The following BPNT1 variants were observed in gnomAD, a reference collection of about 807,000 sequenced individuals.
The protein encoded by BPNT1 is 3'(2'),5'-bisphosphate nucleotidase 1.
Under a neutral mutation model 36.9 loss-of-function variants are expected in BPNT1, and 28 were observed. The observed-to-expected ratio is 0.76, with a 90% CI of 0.56 to 1.04. BPNT1 has a LOEUF of 1.04. BPNT1 is among the 50% of genes least tolerant of loss of function. The pLI is 0.00. For missense variants in BPNT1, 313 were observed against 372.9 expected (o/e 0.84, Z 1.32); for synonymous variants, 119 against 130.9 (o/e 0.91, Z 0.62).
At chr1:220,068,473 C>T (rs1274352913) in intron 5 of BPNT1, among the ~76,000 whole-genome samples, 1 of 151,924 alleles carries the variant, frequency 6.6e-6, no homozygotes, top group Non-Finnish European at 1.5e-5. Flanking sequence ...TAAGCCACCA[C>T]GCCTGGCCTA....
At chr1:220,078,492 T>C (rs1664793874) in intron 2 of BPNT1, among the ~76,000 whole-genome samples, 1 of 142,098 alleles carries the variant, frequency 7.0e-6, no homozygotes, top group South Asian at 2.1e-4. Flanking sequence ...TAATAATTTA[T>C]AATAAATTTT....
At chr1:220,080,013 G>A (rs1001232868) in intron 1 of BPNT1, among the ~76,000 whole-genome samples, 159 bp from the exon 2 acceptor site, 22 of 152,184 alleles carry the variant, frequency 1.4e-4, no homozygotes, top group African/African-American at 5.3e-4. Flanking sequence ...AAGAGACTTC[G>A]AAAAAACTCG....
intron 2 of BPNT1, among the ~76,000 whole-genome samples, chr1:220,078,984 A>AGTTT (rs1164838950): frequency 1.3e-5 from 2 of 152,190 alleles, no homozygotes; most frequent in Non-Finnish European, 2.9e-5. Flanking sequence ...AATCTATTTA[A>AGTTT]GTTTGTAATT....
In BPNT1 at chr1:220,058,221, T is replaced by G; in HGVS notation, c.*623A>C. On this transcript the variant is annotated 3_prime_UTR_variant, in exon 9 of 9. Coordinates refer to ENST00000322067, the MANE Select transcript of BPNT1 (RefSeq NM_006085.6). ...TGGTTTAGAAGATAGGAATGTTCAT[T>G]GAACATTGACCTGAACTGTCAATTG... is the stretch of plus-strand genomic sequence containing the variant. 1.0e-6 allele frequency: 1 copy of G among 995,210 alleles called. No individual in the cohort carries two copies. Among genetic ancestry groups the G allele is most frequent in the Non-Finnish European group, 1.2e-6 (1 of 835,054 alleles). 61.6% of individuals were successfully genotyped at this position (995,210 alleles called of 1,614,324 possible). A position where few individuals can be genotyped will look rare whatever the true frequency, so the allele number is the denominator to read the frequency against.
In BPNT1 at chr1:220,069,370, A is replaced by G; in HGVS notation, c.382+14T>C. 2 of 1,585,836 alleles carry G rather than the reference A, an allele frequency of 1.3e-6. No homozygotes were observed. Among genetic ancestry groups the G allele is most frequent in the Non-Finnish European group, 8.6e-7 (1 of 1,163,688 alleles). On this transcript the variant is annotated intron_variant, in intron 5 of 8. Coordinates refer to ENST00000322067, the MANE Select transcript of BPNT1 (RefSeq NM_006085.6). ...CCCACTACTGTCAAATATGAATACAAAAGAGATATCAACCTTCGGTATATT... is the reference window on the plus strand; with the variant it reads ...CCCACTACTGTCAAATATGAATACAGAAGAGATATCAACCTTCGGTATATT...
chr1:220,083,279 A>G (rs1655384015), intron 1 of BPNT1, among the ~76,000 whole-genome samples: 2 of 151,596 alleles, frequency 1.3e-5, no homozygotes, highest in African/African-American at 2.4e-5. Context: ...TGAATACCGT[A>G]CTGTGACCAA....
Position 220,067,379 on chromosome 1 carries a change from C to A in BPNT1, c.397G>T (p.Val133Leu), listed in dbSNP as rs1336245682. Residue 133 changes from valine to leucine, a missense_variant, in exon 6 of 9, where the codon GTA becomes TTA. By Grantham distance (32) the Val-to-Leu change is conservative (BLOSUM62 1). Transcript: ENST00000322067. The part of the protein sequence containing the change: ...KEYTEGLLDN[V>L]TVLIGIAYEG... ...TAAGCAATTCCAATAAGAACTGTTA[C>A]ATTGTCAAGAAGACCTGCAAAGAAG... is the stretch of plus-strand genomic sequence containing the variant. 1 of 1,607,374 alleles carries A rather than the reference C, an allele frequency of 6.2e-7. No homozygotes were observed. The highest frequency in any genetic ancestry group is 1.3e-5 in the African/African-American group (1 of 74,770).
chr1:220,063,013 T>G, intron 6 of BPNT1, 59 bp from the exon 7 acceptor site: 1 of 1,528,676 alleles, frequency 6.5e-7, no homozygotes, highest in Non-Finnish European at 9.1e-7. Flanking sequence ...CGTTAGCCCA[T>G]AAATGGAATA....
chr1:220,067,466 C>G (rs1663641847), intron 5 of BPNT1, 73 bp from the exon 6 acceptor site: 5 of 1,018,520 alleles, frequency 4.9e-6, no homozygotes, highest in Admixed American at 2.3e-5. Context: ...ATCAATTGCT[C>G]CAAGTTAGTT....
intron 7 of BPNT1, among the ~76,000 whole-genome samples, chr1:220,061,572 A>C (rs1280040444): frequency 6.6e-6 from 1 of 151,850 alleles, no homozygotes; most frequent in Non-Finnish European, 1.5e-5. Context: ...CAGAAGATAC[A>C]TAAGTAGGAC....
chr1:220,075,409 T>C (rs1376667853), intron 2 of BPNT1, among the ~76,000 whole-genome samples: 1 of 152,222 alleles, frequency 6.6e-6, no homozygotes, highest in Non-Finnish European at 1.5e-5. Flanking sequence ...GCAACTGTTT[T>C]ATGCCTCACT....
chr1:220,063,279 T>C (rs7530481), intron 6 of BPNT1, among the ~76,000 whole-genome samples: 91,386 of 151,720 alleles, frequency 0.6, 28,501 homozygotes, highest in Middle Eastern at 0.71. Flanking sequence ...ACCTGGGAGG[T>C]GGAGGTTGCA....
rs202239575 is a variant in BPNT1, at chr1:220,058,881, C to T, written c.890G>A (p.Arg297Gln). 3.1e-6 allele frequency: 5 copies of T among 1,614,040 alleles called. No homozygotes were observed. Among genetic ancestry groups the T allele is most frequent in the East Asian group, 2.2e-5 (1 of 44,882 alleles). Residue 297 changes from arginine (R) to glutamine (Q), a missense_variant, in exon 9 of 9, where the codon CGA (arginine) becomes CAA (glutamine). Transcript: ENST00000322067. ...TLRNYDYYASRVPESIKNALV... is the reference protein window; with the variant it reads ...TLRNYDYYASQVPESIKNALV... ...TGCATTTTTAATAGATTCTGGAACT[C>T]GGCTTGCATAGTAGTCATAATTCCT...
intron 1 of BPNT1, among the ~76,000 whole-genome samples, chr1:220,083,712 G>T (rs952059279): frequency 2.6e-5 from 4 of 152,036 alleles, no homozygotes; most frequent in African/African-American, 9.7e-5. Flanking sequence ...GGATAGAAAA[G>T]GTATGTAAAA....
intron 6 of BPNT1, among the ~76,000 whole-genome samples, chr1:220,064,780 G>A (rs1040987096): frequency 6.6e-6 from 1 of 152,080 alleles, no homozygotes; most frequent in Non-Finnish European, 1.5e-5. Flanking sequence ...TACAGGAGAG[G>A]CTTGGAATCT....
At chr1:220,079,398 G>A (rs540559116) in intron 2 of BPNT1, among the ~76,000 whole-genome samples, 46 of 152,060 alleles carry the variant, frequency 3.0e-4, no homozygotes, top group African/African-American at 8.4e-4. Context: ...GATTACAGGC[G>A]CTCGCCACCA....
chr1:220,063,280 G>A (rs1318537652), intron 6 of BPNT1, among the ~76,000 whole-genome samples: 1 of 152,082 alleles, frequency 6.6e-6, no homozygotes, highest in African/African-American at 2.4e-5. Flanking sequence ...CCTGGGAGGT[G>A]GAGGTTGCAG....
chr1:220,086,659 T>A (rs1256776435), intron 1 of BPNT1, among the ~76,000 whole-genome samples: 1 of 149,326 alleles, frequency 6.7e-6, no homozygotes. Flanking sequence ...CACTGCAACC[T>A]CCGCCTCCCG....
intron 1 of BPNT1, 93 bp from the exon 2 acceptor site, chr1:220,079,947 GC>G: frequency 1.5e-6 from 2 of 1,293,554 alleles, no homozygotes; most frequent in Non-Finnish European, 2.1e-6. Context: ...TTAATTGAGT[GC>G]TAACTTGGGA....
Sources: gnomAD v4.1 joint callset for allele counts (sites outside exome capture counted in the v4.1 genomes callset) on GRCh38, gnomAD v4.1.1 for gene constraint, MANE v1.5 for transcripts, NCBI Gene and HGNC (gene_info 2026-07-23, HGNC 2026-07-21) for gene names.